The following DOK7 variants were observed in gnomAD, a reference collection of about 807,000 sequenced individuals.
DOK7 encodes the protein docking protein 7, also known as protein Dok-7.
DOK7 carries 32 observed loss-of-function variants against 30.7 expected under a neutral mutation model. The ratio of observed to expected loss-of-function variants is 1.04; its 90% CI spans 0.79 to 1.40. The LOEUF (loss-of-function observed/expected upper bound fraction) is 1.40, where lower values mean the gene tolerates loss of function less well. Among genes scored for constraint, DOK7 ranks in the 40% most tolerant of loss-of-function variants. DOK7 has a pLI of 0.00. For missense variants in DOK7, 1,007 were observed against 699.2 expected (o/e 1.44, Z -4.97); for synonymous variants, 447 against 324.1 (o/e 1.38, Z -4.07).
At chr4:3,490,752 C>T (rs1447718195) in intron 6 of DOK7, among the ~76,000 whole-genome samples, 3 of 113,614 alleles carry the variant, frequency 2.6e-5, no homozygotes, top group Non-Finnish European at 5.2e-5. Context: ...CTTCTTCCTC[C>T]TGCTCATTCC....
At chr4:3,465,943 G>C (rs1726238574) in intron 2 of DOK7, among the ~76,000 whole-genome samples, 1 of 152,174 alleles carries the variant, frequency 6.6e-6, no homozygotes, top group African/African-American at 2.4e-5. Context: ...GCGGGGGCTG[G>C]GGGTGGTGAG....
At chr4:3,499,495 G>C (rs1231526814) in intron 6 of DOK7, among the ~76,000 whole-genome samples, 1 of 152,230 alleles carries the variant, frequency 6.6e-6, no homozygotes, top group Non-Finnish European at 1.5e-5. Flanking sequence ...CTGCAGAGGA[G>C]GGGCCGGTGT....
intron 4 of DOK7, among the ~76,000 whole-genome samples, chr4:3,479,999 G>A (rs1035924801): frequency 6.6e-6 from 1 of 152,226 alleles, no homozygotes; most frequent in East Asian, 1.9e-4. Flanking sequence ...CCCCGCCTTC[G>A]GGGATGGACT....
rs1048076499 is a variant in DOK7 at position 3,463,360 on chromosome 4, G to C, written c.-16G>C. The stretch of plus-strand genomic sequence containing the variant: ...GGCGCCGGGGCGAGCGCGGCGGCGC[G>C]GAACCATGACAGAAGATGACCGAGG... On this transcript the variant is annotated 5_prime_UTR_variant, in exon 1 of 7. Coordinates refer to ENST00000340083, the MANE Select transcript of DOK7 (RefSeq NM_173660.5). 6.8e-7 allele frequency: 1 copy of C among 1,466,720 alleles called. No individual in the cohort carries two copies. Among genetic ancestry groups the C allele is most frequent in the Non-Finnish European group, 8.9e-7 (1 of 1,122,312 alleles). 90.9% of individuals were successfully genotyped at this position (1,466,720 alleles called of 1,614,324 possible). A position where few individuals can be genotyped will look rare whatever the true frequency, so the allele number is the denominator to read the frequency against.
intron 4 of DOK7, 55 bp downstream of exon 4, chr4:3,476,597 G>T (rs1026589077): frequency 6.2e-7 from 1 of 1,607,072 alleles, no homozygotes; most frequent in Admixed American, 1.7e-5. Flanking sequence ...CACTTCCCCT[G>T]AGAACTGCTG....
exon 8 of DOK7, chr4:3,500,790 T>A: frequency 6.5e-7 from 1 of 1,532,152 alleles, no homozygotes; most frequent in Non-Finnish European, 8.7e-7. Context: ...GGAGCAGCTG[T>A]CGGAGCTGGA....
chr4:3,482,166 G>A (rs28660595), intron 4 of DOK7, among the ~76,000 whole-genome samples: 1 of 152,058 alleles, frequency 6.6e-6, no homozygotes, highest in East Asian at 1.9e-4. Context: ...CCCCTCCACC[G>A]CTTACCCTCT....
At chr4:3,468,954 TGTG>T (rs1335737532) in intron 2 of DOK7, among the ~76,000 whole-genome samples, 6 of 147,470 alleles carry the variant, frequency 4.1e-5, no homozygotes, top group Admixed American at 2.0e-4. Context: ...CACGTGTGAG[TGTG>T]GTGCCTGTAT....
At chr4:3,501,072 G>A (rs894579990) in exon 8 of DOK7, 45 of 539,370 alleles carry the variant, frequency 8.3e-5, no homozygotes, top group Non-Finnish European at 1.3e-4. Flanking sequence ...ACCCCAGGCT[G>A]ACTGAGGCCC....
rs1487550256 is a variant in DOK7 at position 3,499,709 on chromosome 4, G to A, written c.1109-542G>A. 3.3e-5 allele frequency among the ~76,000 whole-genome samples: 5 copies of A among 152,238 alleles called. No homozygotes were observed. In the South Asian group the frequency reaches 6.2e-4, roughly 19 times the overall value. On this transcript the variant is annotated intron_variant, in intron 6 of 7. Transcript: ENST00000643608. ...GTGTGGGGCACCTGGGTGTCCTGGA[G>A]GGGATGCAGAGGGAGCGTGGGCCTG...
intron 4 of DOK7, among the ~76,000 whole-genome samples, chr4:3,478,597 C>T (rs1201224949): frequency 7.0e-6 from 1 of 143,266 alleles, no homozygotes. Flanking sequence ...CAAACGGGGG[C>T]TGGCCCCACA....
exon 8 of DOK7, chr4:3,500,988 T>C: frequency 8.5e-7 from 1 of 1,179,682 alleles, no homozygotes; most frequent in Non-Finnish European, 1.1e-6. Context: ...CAGGAAGTTT[T>C]CAGGGCCCAC....
chr4:3,467,909 C>T (rs1427911490), intron 2 of DOK7, among the ~76,000 whole-genome samples: 1 of 152,130 alleles, frequency 6.6e-6, no homozygotes, highest in African/African-American at 2.4e-5. Context: ...CGCCCTGGGG[C>T]CCCCTCATCA....
intron 5 of DOK7, 50 bp from the exon 6 acceptor site, chr4:3,489,626 AG>A: frequency 6.4e-7 from 1 of 1,555,440 alleles, no homozygotes. Context: ...CCTGCGGGCG[AG>A]GGTGGGCGGT....
chr4:3,490,111 C>CTTTCTTCACCCCCTT (rs199921650), intron 6 of DOK7, among the ~76,000 whole-genome samples: 1 of 23,778 alleles, frequency 4.2e-5, no homozygotes, highest in Non-Finnish European at 6.9e-5. Context: ...TCTTCACCCC[C>CTTTCTTCACCCCCTT]ATTCATTCCT....
At chr4:3,468,687 T>A (rs374216299) in intron 2 of DOK7, among the ~76,000 whole-genome samples, 1 of 148,184 alleles carries the variant, frequency 6.7e-6, no homozygotes, top group Admixed American at 6.7e-5. Flanking sequence ...TGCCTGTGTG[T>A]GCATGTATGT....
At chr4:3,501,095 T>A (rs1210216115) in exon 8 of DOK7, 1 of 509,118 alleles carries the variant, frequency 2.0e-6, no homozygotes. Context: ...CTTCCAGGCA[T>A]CAGGCAGCTC....
Position 3,493,752 on chromosome 4 carries a change from A to C in DOK7, c.*251A>C. ...CGGGGTCACCAGAGCCCCAATGCTC[A>C]GCTGCTTCACTCCGTGTCCCCCACC... On this transcript the variant is annotated 3_prime_UTR_variant, in exon 7 of 7. Transcript: ENST00000340083. 1 of 1,408,104 alleles carries C rather than the reference A, an allele frequency of 7.1e-7. No homozygotes were observed. The highest frequency in any genetic ancestry group is 9.2e-7 in the Non-Finnish European group (1 of 1,085,194). The allele number at this position is 1,408,104 out of a possible 1,614,324, so 87.2% of individuals were successfully genotyped here.
intron 4 of DOK7, 76 bp downstream of exon 4, chr4:3,476,618 G>A (rs1018464001): frequency 1.6e-5 from 26 of 1,580,678 alleles, no homozygotes; most frequent in Admixed American, 6.7e-5. Context: ...GCTTCGGGCC[G>A]GCCGACCCCA....
Sources: allele counts gnomAD v4.1 joint callset (sites outside exome capture counted in the v4.1 genomes callset), GRCh38; gene constraint gnomAD v4.1.1; transcripts MANE v1.5; gene names NCBI Gene and HGNC (gene_info 2026-07-23, HGNC 2026-07-21).